Variants in RALGAPA1 observed in about 807,000 individuals in gnomAD.
The protein encoded by RALGAPA1 is ral GTPase-activating protein subunit alpha-1.
RALGAPA1 carries 52 observed loss-of-function variants against 269.6 expected under a neutral mutation model. That is an observed-to-expected ratio of 0.19 (90% CI 0.15 to 0.24). The LOEUF (loss-of-function observed/expected upper bound fraction) is 0.24. Among genes scored for constraint, RALGAPA1 ranks in the 10% least tolerant of loss-of-function variants. The pLI is 1.00. For missense variants in RALGAPA1, 1,917 were observed against 3,013.9 expected (o/e 0.64, Z 8.52); for synonymous variants, 817 against 1,008.3 (o/e 0.81, Z 3.60).
intron 35 of RALGAPA1, among the ~76,000 whole-genome samples, chr14:35,616,428 T>C (rs1433087074): frequency 6.6e-6 from 1 of 152,088 alleles, no homozygotes; most frequent in Admixed American, 6.5e-5. Flanking sequence ...ACAAAATAGA[T>C]AACAATATTA....
intron 16 of RALGAPA1, 31 bp downstream of exon 16, chr14:35,721,657 T>C (rs1329702923): frequency 2.5e-6 from 4 of 1,595,230 alleles, no homozygotes; most frequent in Non-Finnish European, 3.4e-6. Context: ...TAGTGCCCTG[T>C]ACCATTCTCA....
chr14:35,619,982 A>C (rs1476529611), intron 35 of RALGAPA1, among the ~76,000 whole-genome samples: 2 of 152,222 alleles, frequency 1.3e-5, no homozygotes, highest in Non-Finnish European at 2.9e-5. Context: ...AAACTATTCC[A>C]ATCAATAGAA....
intron 39 of RALGAPA1, among the ~76,000 whole-genome samples, chr14:35,568,552 G>GT (rs1446632708): frequency 6.6e-6 from 1 of 152,096 alleles, no homozygotes; most frequent in Non-Finnish European, 1.5e-5. Flanking sequence ...AAGGCACATG[G>GT]TATGTGTGGA....
chr14:35,677,889 T>C, intron 22 of RALGAPA1, 61 bp downstream of exon 22: 3 of 1,483,068 alleles, frequency 2.0e-6, no homozygotes, highest in Non-Finnish European at 2.8e-6. Context: ...GCCTTATTTA[T>C]GATCTCCTGA....
chr14:35,569,811 G>A (rs528266714), intron 39 of RALGAPA1, among the ~76,000 whole-genome samples: 30 of 152,186 alleles, frequency 2.0e-4, no homozygotes, highest in African/African-American at 7.0e-4. Flanking sequence ...TGGAATACCT[G>A]CCCATATCTC....
Position 35,765,935 on chromosome 14 carries a change from C to A in RALGAPA1, c.326-3182G>T, listed in dbSNP as rs541489144. 1.3e-4 allele frequency: 171 copies of A among 1,303,250 alleles called. No homozygotes were observed. The African/African-American group carries it at 2.2e-3, about 17-fold the overall frequency. The allele number at this position is 1,303,250 out of a possible 1,614,324, so 80.7% of individuals were successfully genotyped here. A position where few individuals can be genotyped will look rare whatever the true frequency, so the allele number is the denominator to read the frequency against. On this transcript the variant is annotated intron_variant, in intron 4 of 41. Coordinates refer to ENST00000680220, the MANE Select transcript of RALGAPA1 (RefSeq NM_001346249.2). ...CTATGAGATCTGGAAATGCAGAAGG[C>A]GTATTTGGACCAGTTAAAAACCCCT...
In RALGAPA1 at chr14:35,627,635, T is replaced by G; in HGVS notation, c.6312A>C (p.Ile2104=). 6.3e-7 allele frequency: 1 copy of G among 1,590,886 alleles called. No individual in the cohort carries two copies. Among genetic ancestry groups the G allele is most frequent in the Non-Finnish European group, 8.6e-7 (1 of 1,167,246 alleles). ...AATATTTTCCAGAGAGATCACGTAC[T>G]ATGATTCTGACATTTGAATTGGCTG... ...LASANSNVRI[I]VRDLSGKYSW... The change falls in exon 34 of 42, where the codon ATA becomes ATC. Residue 2104 remains isoleucine, a synonymous_variant. Coordinates refer to ENST00000680220, the MANE Select transcript of RALGAPA1 (RefSeq NM_001346249.2).
intron 37 of RALGAPA1, among the ~76,000 whole-genome samples, chr14:35,589,898 T>TA (rs1444973136): frequency 6.6e-6 from 1 of 152,044 alleles, no homozygotes; most frequent in African/African-American, 2.4e-5. Flanking sequence ...GTCACTATGT[T>TA]ACCCAGACTG....
At chr14:35,620,963 T>A (rs185541820) in intron 35 of RALGAPA1, among the ~76,000 whole-genome samples, 1 of 152,188 alleles carries the variant, frequency 6.6e-6, no homozygotes, top group East Asian at 1.9e-4. Flanking sequence ...TTCAATGCCA[T>A]CCCCATCAAG....
At position 35,756,519 on chromosome 14, in the gene RALGAPA1, G is replaced by C. The variant is rs1460763550; in HGVS notation, c.663+274C>G. 6 of 189,006 alleles carry C rather than the reference G, an allele frequency of 3.2e-5. No individual in the cohort carries two copies. In the South Asian group the frequency reaches 7.0e-4, roughly 22 times the overall value. The allele number at this position is 189,006 out of a possible 1,614,324, so 11.7% of individuals were successfully genotyped here. A position where few individuals can be genotyped will look rare whatever the true frequency, so the allele number is the denominator to read the frequency against. On this transcript the variant is annotated intron_variant, in intron 7 of 41. Coordinates refer to ENST00000680220, the MANE Select transcript of RALGAPA1 (RefSeq NM_001346249.2). Reference sequence around the variant, plus strand: ...AAGGGATACCCTTCTAAAGAGTGAAGAGTCTATTTTTACTCCAAAGAAGAA... The same window carrying C: ...AAGGGATACCCTTCTAAAGAGTGAACAGTCTATTTTTACTCCAAAGAAGAA...
At chr14:35,593,176 T>C (rs904497930) in intron 37 of RALGAPA1, among the ~76,000 whole-genome samples, 3 of 152,110 alleles carry the variant, frequency 2.0e-5, no homozygotes, top group Admixed American at 2.0e-4. Flanking sequence ...AAAATCAACA[T>C]ACAAAAATTG....
chr14:35,766,287 G>A, intron 4 of RALGAPA1: 1 of 875,176 alleles, frequency 1.1e-6, no homozygotes, highest in Middle Eastern at 2.5e-4. Context: ...GGCTGAACAT[G>A]ACCCTACGGA....
At chr14:35,566,013 A>C (rs555045784) in intron 39 of RALGAPA1, among the ~76,000 whole-genome samples, 5 of 152,274 alleles carry the variant, frequency 3.3e-5, no homozygotes, top group African/African-American at 1.2e-4. Context: ...ATTAAAGCTG[A>C]AATACCTCTC....
chr14:35,782,580 T>C (rs571812192), intron 1 of RALGAPA1, among the ~76,000 whole-genome samples: 12 of 152,160 alleles, frequency 7.9e-5, no homozygotes, highest in African/African-American at 2.9e-4. Flanking sequence ...ATTACATGCA[T>C]GTGCCACCAC....
chr14:35,580,229 A>T (rs1401719965), intron 37 of RALGAPA1, among the ~76,000 whole-genome samples: 1 of 152,206 alleles, frequency 6.6e-6, no homozygotes, highest in Non-Finnish European at 1.5e-5. Flanking sequence ...TCTCAACTTG[A>T]TCTTCATCAA....
chr14:35,690,667 A>G (rs770008022), intron 17 of RALGAPA1, among the ~76,000 whole-genome samples: 8 of 152,208 alleles, frequency 5.3e-5, no homozygotes, highest in Non-Finnish European at 1.2e-4. Context: ...TTTGGCAAAA[A>G]CACCACTTAA....
chr14:35,731,902 T>C (rs2070509146), intron 12 of RALGAPA1, among the ~76,000 whole-genome samples: 1 of 152,196 alleles, frequency 6.6e-6, no homozygotes, highest in Admixed American at 6.5e-5. Flanking sequence ...GGAAATTCAC[T>C]GCAAAAAGAT....
At chr14:35,731,096 G>A (rs1005203980) in intron 12 of RALGAPA1, among the ~76,000 whole-genome samples, 5 of 152,182 alleles carry the variant, frequency 3.3e-5, no homozygotes, top group East Asian at 3.8e-4. Context: ...GCCTGGAGCC[G>A]GGGAGACTAG....
intron 1 of RALGAPA1, among the ~76,000 whole-genome samples, chr14:35,786,903 C>A (rs185683285): frequency 2.2e-4 from 33 of 152,222 alleles, no homozygotes; most frequent in Non-Finnish European, 4.3e-4. Context: ...GTTTGTGGGA[C>A]GTACATCTCA....
Sources: allele counts gnomAD v4.1 joint callset (sites outside exome capture counted in the v4.1 genomes callset), GRCh38; gene constraint gnomAD v4.1.1; transcripts MANE v1.5; gene names NCBI Gene and HGNC (gene_info 2026-07-23, HGNC 2026-07-21).